ATG9B: variants seen among roughly 807,000 people sequenced by gnomAD.
ATG9B encodes the protein autophagy related 9B.
Under a neutral mutation model 92.9 loss-of-function variants are expected in ATG9B, and 92 were observed. The ratio of observed to expected loss-of-function variants is 0.99; its 90% CI spans 0.84 to 1.18. ATG9B has a LOEUF of 1.18. Among genes scored for constraint, ATG9B ranks in the 50% most tolerant of loss-of-function variants. ATG9B has a pLI of 0.00. For missense variants in ATG9B, 1,344 were observed against 1,235.0 expected, an observed-to-expected ratio of 1.09 and a Z score of -1.32; for synonymous variants, 599 against 551.4, an observed-to-expected ratio of 1.09 and a Z score of -1.21.
Position 151,023,661 on chromosome 7 carries a change from C to T in ATG9B, c.594+26G>A, listed in dbSNP as rs751156041. ...CTCCAAGAGGACCTTCCCATGCCAC[C>T]TCTGCAGGCCTAGCGCAAAGGATAT... On this transcript the variant is annotated intron_variant, in intron 2 of 13. Transcript: ENST00000639579. 19 of 1,613,784 alleles carry T rather than the reference C, an allele frequency of 1.2e-5. No homozygotes were observed. In the Admixed American group the frequency reaches 2.8e-4, roughly 24 times the overall value.
chr7:151,016,009 A>AG lies in ATG9B; in HGVS notation c.2661dup (p.Ser888LeufsTer2). ...GTTCCCCACTGTTGTCTGGGGCTAG[A>AG]GGCAGGACTGGAGCCTGGTGAAAAA... is the stretch of plus-strand genomic sequence containing the variant. On this transcript the variant is annotated frameshift_variant, in exon 13 of 14. Coordinates refer to ENST00000639579, the MANE Select transcript of ATG9B (RefSeq NM_001317056.2). LOFTEE classifies it high-confidence loss of function. 6.4e-7 allele frequency: 1 copy of AG among 1,551,590 alleles called. No individual in the cohort carries two copies. The highest frequency in any genetic ancestry group is 8.7e-7 in the Non-Finnish European group (1 of 1,146,954).
At chr7:151,013,248 A>T, downstream of ATG9B, 1 of 1,613,558 alleles carries the variant, frequency 6.2e-7, no homozygotes, top group Non-Finnish European at 8.5e-7. Context: ...GCCCACTCCC[A>T]TGACTTTGGT....
chr7:151,024,021 G>C lies in ATG9B; in HGVS notation c.403C>G (p.Gln135Glu), dbSNP rs1487770939. 1 of 1,593,200 alleles carries C rather than the reference G, an allele frequency of 6.3e-7. No individual in the cohort carries two copies. Among genetic ancestry groups the C allele is most frequent in the East Asian group, 2.3e-5 (1 of 44,128 alleles). The change falls in exon 1 of 14, where the codon CAG becomes GAG. Residue 135 changes from glutamine to glutamate, a missense_variant. Coordinates refer to ENST00000639579, the MANE Select transcript of ATG9B (RefSeq NM_001317056.2). Reference protein sequence around the residue: ...ATPTPSQQCPQDSPGLRVGPL... With the variant: ...ATPTPSQQCPEDSPGLRVGPL... ...CCTACCCGCAGCCCAGGAGAGTCCTGGGGGCACTGCTGTGAGGGAGTGGGG... is the reference window on the plus strand; with the variant it reads ...CCTACCCGCAGCCCAGGAGAGTCCTCGGGGCACTGCTGTGAGGGAGTGGGG...
At chr7:151,012,462 T>C (rs1436459828), downstream of ATG9B, 1 of 1,612,078 alleles carries the variant, frequency 6.2e-7, no homozygotes, top group Admixed American at 1.7e-5. Context: ...TGCATGACAT[T>C]GAGAGCAAAG....
downstream of ATG9B, chr7:151,014,057 A>G (rs1244061673): frequency 2.5e-6 from 4 of 1,613,644 alleles, no homozygotes; most frequent in East Asian, 2.2e-5. Flanking sequence ...CTGCGCACCC[A>G]GGAGGTGACA....
chr7:151,013,562 GC>G, downstream of ATG9B: 1 of 855,390 alleles, frequency 1.2e-6, no homozygotes, highest in Non-Finnish European at 1.7e-6. Flanking sequence ...TCCCGCCCCT[GC>G]CCCGCCCCTT....
chr7:151,012,449 G>A (rs1563234049), downstream of ATG9B: 5 of 1,611,918 alleles, frequency 3.1e-6, no homozygotes, highest in South Asian at 1.1e-5. Context: ...TGGCAGGAGC[G>A]GCTGCATGAC....
downstream of ATG9B, chr7:151,014,157 C>G (rs1010583238): frequency 2.1e-5 from 33 of 1,605,298 alleles, no homozygotes; most frequent in Non-Finnish European, 2.5e-5. Flanking sequence ...GCTCAGACAC[C>G]AACAGCCCCT....
At chr7:151,021,005 G>A (rs955668186) in intron 5 of ATG9B, 183 bp downstream of exon 5, 29 of 666,362 alleles carry the variant, frequency 4.4e-5, no homozygotes, top group African/African-American at 3.3e-4. Flanking sequence ...TAAGGGCCAT[G>A]CTCTCTAGGT....
rs777125489 is a variant in ATG9B, at chr7:151,023,717, G to A, written c.564C>T (p.His188=). The A allele has an allele frequency of 2.5e-6, 4 of 1,613,986 alleles. No individual in the cohort carries two copies. Among genetic ancestry groups the A allele is most frequent in the African/African-American group, 1.3e-5 (1 of 74,940 alleles). ...VPEGLRGSWH[H]IQNLDSFFTK... ...TGAAGAAACTGTCCAGGTTCTGGAT[G>A]TGATGCCAGGAGCCTGGGCACAGAG... The change falls in exon 2 of 14, where the codon CAC becomes CAT. Residue 188 remains histidine (H), a synonymous_variant. Transcript: ENST00000639579.
chr7:151,017,779 A>C, intron 8 of ATG9B, 92 bp downstream of exon 8: 1 of 1,399,852 alleles, frequency 7.1e-7, no homozygotes. Flanking sequence ...GGTAGCAAGC[A>C]ATGGAGCCAG....
chr7:151,016,421 C>T lies in ATG9B; in HGVS notation c.2520+10G>A, dbSNP rs780745824. On this transcript the variant is annotated intron_variant, in intron 11 of 13. Coordinates refer to ENST00000639579, the MANE Select transcript of ATG9B (RefSeq NM_001317056.2). ...CTCCACATTTCTCCTTTGGGCACCC[C>T]TCTACTCACCTGGTGCAGGTAGATG... 1.3e-6 allele frequency: 2 copies of T among 1,551,064 alleles called. No homozygotes were observed. Among genetic ancestry groups the T allele is most frequent in the East Asian group, 2.4e-5 (1 of 40,908 alleles).
rs1444018616 is a variant in ATG9B at position 151,016,159 on chromosome 7, G to A, written c.2597C>T (p.Pro866Leu). 2 of 1,539,850 alleles carry A rather than the reference G, an allele frequency of 1.3e-6. No homozygotes were observed. Among genetic ancestry groups the A allele is most frequent in the Non-Finnish European group, 1.8e-6 (2 of 1,140,240 alleles). Reference protein sequence around the residue: ...ASILSRPCSSPSQPPSPDEEK... With the variant: ...ASILSRPCSSLSQPPSPDEEK... ...CTCATCAGGCGAGGGTGGCTGTGAG[G>A]GGCTGGAGCAGGGCCTGGACAGGAT... The change falls in exon 12 of 14, where the codon CCC becomes CTC. Residue 866 changes from proline to leucine, a missense_variant. Pro to Leu is a moderately conservative substitution (Grantham distance 98, BLOSUM62 -3). Transcript: ENST00000639579.
Position 151,024,361 on chromosome 7 carries a change from C to T in ATG9B, c.63G>A (p.Gly21=), listed in dbSNP as rs1266709881. Residue 21 remains glycine (G), a synonymous_variant, in exon 1 of 14, where the codon GGG becomes GGA. Coordinates refer to ENST00000639579, the MANE Select transcript of ATG9B (RefSeq NM_001317056.2). ...RRRLGRWGDL[G]PGSVPLLPMP... Reference sequence around the variant, plus strand: ...TGGGGAGGAGGGGCACCGATCCGGGCCCCAGATCTCCCCACCGCCCCAGCC... The same window carrying T: ...TGGGGAGGAGGGGCACCGATCCGGGTCCCAGATCTCCCCACCGCCCCAGCC... 1 of 1,390,816 alleles carries T rather than the reference C, an allele frequency of 7.2e-7. No homozygotes were observed. The highest frequency in any genetic ancestry group is 3.0e-5 in the Admixed American group (1 of 32,962). The allele number at this position is 1,390,816 out of a possible 1,614,324, so 86.2% of individuals were successfully genotyped here. A position where few individuals can be genotyped will look rare whatever the true frequency, so the allele number is the denominator to read the frequency against.
chr7:151,015,983 G>A lies in ATG9B; in HGVS notation c.2688C>T (p.Thr896=). ...CGGGGAACAGATTCCGGGCCTTCTGGGTTCCCCACTGTTGTCTGGGGCTAG... is the reference window on the plus strand; with the variant it reads ...CGGGGAACAGATTCCGGGCCTTCTGAGTTCCCCACTGTTGTCTGGGGCTAG... ...PASSPRQQWG[T]QKARNLFPGG... is the part of the protein sequence containing the mutation. The change falls in exon 13 of 14, where the codon ACC becomes ACT. Residue 896 remains threonine, a synonymous_variant. Coordinates refer to ENST00000639579, the MANE Select transcript of ATG9B (RefSeq NM_001317056.2). 6.4e-7 allele frequency: 1 copy of A among 1,551,660 alleles called. No homozygotes were observed. The highest frequency in any genetic ancestry group is 1.4e-5 in the African/African-American group (1 of 73,174).
Position 151,017,168 on chromosome 7 carries a change from G to C in ATG9B, c.2157C>G (p.Arg719=), listed in dbSNP as rs752808488. ...MRFSLAHPLW[R]PPGHSSKFLG... ...GAAACTTAGAGCTGTGCCCTGGGGG[G>C]CGCCAGAGTGGATGCGCCAGGGAGA... Residue 719 remains arginine (R), a synonymous_variant, in exon 9 of 14, where the codon CGC becomes CGG. Transcript: ENST00000639579. The C allele has an allele frequency of 1.2e-6, 2 of 1,613,062 alleles. No individual in the cohort carries two copies. The highest frequency in any genetic ancestry group is 1.3e-5 in the African/African-American group (1 of 74,884).
downstream of ATG9B, chr7:151,014,529 T>C (rs1207078942): frequency 4.0e-6 from 1 of 247,274 alleles, no homozygotes; most frequent in Non-Finnish European, 7.7e-6. Flanking sequence ...TTATTGAAGA[T>C]TTACCATAAG....
At position 151,024,425 on chromosome 7, in the gene ATG9B, A is replaced by T; in HGVS notation, c.-2T>A. 1 of 1,345,310 alleles carries T rather than the reference A, an allele frequency of 7.4e-7. No homozygotes were observed. Among genetic ancestry groups the T allele is most frequent in the Middle Eastern group, 2.5e-4 (1 of 3,936 alleles). The allele number at this position is 1,345,310 out of a possible 1,614,324, so 83.3% of individuals were successfully genotyped here. On this transcript the variant is annotated 5_prime_UTR_variant, in exon 1 of 14. Transcript: ENST00000639579. ...CCCCCAGCCCATTCGGCTCACCATCAGGCCACGGCTTCTCCAGAAAGGTTG... is the reference window on the plus strand; with the variant it reads ...CCCCCAGCCCATTCGGCTCACCATCTGGCCACGGCTTCTCCAGAAAGGTTG...
At chr7:151,012,229 T>TTTG (rs1436641715), downstream of ATG9B, 1 of 900,832 alleles carries the variant, frequency 1.1e-6, no homozygotes, top group African/African-American at 1.7e-5. Flanking sequence ...TTTTTTGTTT[T>TTTG]TTTTTTAATT....
Sources: gnomAD v4.1 joint callset for allele counts on GRCh38, gnomAD v4.1.1 for gene constraint, MANE v1.5 for transcripts, NCBI Gene and HGNC (gene_info 2026-07-23, HGNC 2026-07-21) for gene names.